The following SFMBT2 variants were observed in gnomAD, a reference collection of about 807,000 sequenced individuals.
The protein encoded by SFMBT2 is Scm like with four mbt domains 2, also known as scm-like with four MBT domains protein 2.
In SFMBT2, 38 loss-of-function variants were observed where a neutral mutation model predicts 110.1. The observed-to-expected ratio is 0.35, with a 90% confidence interval of 0.27 to 0.45. SFMBT2 has a LOEUF of 0.45. Among genes scored for constraint, SFMBT2 ranks in the 20% least tolerant of loss-of-function variants. The pLI is 1.00. For synonymous variants in SFMBT2, 425 were observed against 425.4 expected (o/e 1.00, Z 0.01); for missense variants, 1,011 against 1,094.9 (o/e 0.92, Z 1.08).
At chr10:7,205,354 G>T in intron 12 of SFMBT2, 1 of 965,906 alleles carries the variant, frequency 1.0e-6, no homozygotes, top group Non-Finnish European at 1.2e-6. Flanking sequence ...GCCTCCCAAA[G>T]TACTGAGATT....
intron 11 of SFMBT2, among the ~76,000 whole-genome samples, chr10:7,211,966 G>A (rs984646238): frequency 2.0e-5 from 3 of 152,124 alleles, no homozygotes; most frequent in Non-Finnish European, 4.4e-5. Flanking sequence ...GGGCTCAGAC[G>A]GGTTTCTCTG....
chr10:7,180,598 C>T (rs1204669768), intron 16 of SFMBT2, among the ~76,000 whole-genome samples: 2 of 152,172 alleles, frequency 1.3e-5, no homozygotes, highest in African/African-American at 2.4e-5. Context: ...CCTGCCTGGC[C>T]TCACTGTGGG....
At chr10:7,338,621 G>A (rs1843792318) in intron 4 of SFMBT2, among the ~76,000 whole-genome samples, 1 of 152,138 alleles carries the variant, frequency 6.6e-6, no homozygotes, top group Non-Finnish European at 1.5e-5. Context: ...GGAGGAGTAG[G>A]AAGCGGAGTT....
chr10:7,214,917 G>A (rs759598739), intron 11 of SFMBT2, among the ~76,000 whole-genome samples: 1 of 152,216 alleles, frequency 6.6e-6, no homozygotes, highest in Non-Finnish European at 1.5e-5. Context: ...AACAATTTCT[G>A]CAGTGGTAAC....
intron 16 of SFMBT2, among the ~76,000 whole-genome samples, chr10:7,181,956 T>C (rs1224442536): frequency 1.3e-5 from 2 of 152,214 alleles, no homozygotes; most frequent in African/African-American, 4.8e-5. Context: ...GATCACTTGA[T>C]CCTTACATGA....
chr10:7,225,888 T>C (rs532129001), intron 10 of SFMBT2, among the ~76,000 whole-genome samples: 1 of 151,888 alleles, frequency 6.6e-6, no homozygotes, highest in Non-Finnish European at 1.5e-5. Context: ...TCCACGGCCC[T>C]CAATGAAAGC....
At chr10:7,391,750 T>C (rs1845771744) in intron 1 of SFMBT2, among the ~76,000 whole-genome samples, 1 of 152,254 alleles carries the variant, frequency 6.6e-6, no homozygotes, top group African/African-American at 2.4e-5. Context: ...TTTATGTTTC[T>C]ATAGTATCTC....
At chr10:7,338,760 C>T (rs1314772880) in intron 4 of SFMBT2, among the ~76,000 whole-genome samples, 1 of 152,174 alleles carries the variant, frequency 6.6e-6, no homozygotes, top group Non-Finnish European at 1.5e-5. Flanking sequence ...AAGATGCTCA[C>T]ATCTTCTTCT....
chr10:7,245,972 T>C (rs761188756), intron 8 of SFMBT2, among the ~76,000 whole-genome samples: 15 of 152,240 alleles, frequency 9.9e-5, no homozygotes, highest in Non-Finnish European at 2.1e-4. Flanking sequence ...ACTTTCCTCA[T>C]ATTTAAAGAA....
chr10:7,236,859 G>A (rs751461684), intron 9 of SFMBT2, among the ~76,000 whole-genome samples: 2 of 152,152 alleles, frequency 1.3e-5, no homozygotes, highest in Non-Finnish European at 2.9e-5. Flanking sequence ...TATCATATGT[G>A]TGAAGCACAT....
intron 4 of SFMBT2, among the ~76,000 whole-genome samples, chr10:7,364,307 T>C (rs1844821940): frequency 6.6e-6 from 1 of 152,248 alleles, no homozygotes; most frequent in Non-Finnish European, 1.5e-5. Context: ...ACTTTAAGTA[T>C]TTCCATCACA....
intron 4 of SFMBT2, among the ~76,000 whole-genome samples, chr10:7,289,516 A>G (rs544635119): frequency 5.1e-4 from 78 of 152,316 alleles, no homozygotes; most frequent in African/African-American, 1.7e-3. Flanking sequence ...GCTTTCCTTT[A>G]TATGTGTCTG....
intron 7 of SFMBT2, chr10:7,264,088 C>G (rs75549499): frequency 8.2e-6 from 2 of 244,232 alleles, no homozygotes; most frequent in East Asian, 3.5e-4. Context: ...GGTGTCCATG[C>G]AGGGAAGGTC....
chr10:7,342,396 C>CTTTTTTTTTTTTTT lies in SFMBT2; in HGVS notation c.436+25239_436+25252dup, dbSNP rs71382101. Among the ~76,000 whole-genome samples the CTTTTTTTTTTTTTT allele has an allele frequency of 1.7e-4, 12 of 69,662 alleles. 2 individuals carry two copies. The highest frequency in any genetic ancestry group is 2.5e-4 in the Non-Finnish European group (9 of 36,202). The allele number at this position is 69,662 out of a possible 152,430, so 45.7% of individuals were successfully genotyped here. The stretch of plus-strand genomic sequence containing the variant: ...ATTTAGGAATTGCACTGGAGTGAGT[C>CTTTTTTTTTTTTTT]TTTTTTTTTTTTTTTTTTTTTTTTT... On this transcript the variant is annotated intron_variant, in intron 4 of 20. Transcript: ENST00000397167.
rs904743611 is a variant in SFMBT2, at chr10:7,202,902, C to G, written c.1445-380G>C. On this transcript the variant is annotated intron_variant, in intron 12 of 20. Coordinates refer to ENST00000397167, the MANE Select transcript of SFMBT2 (RefSeq NM_001387889.1). ...CAATAAAAATTGTGATGAAGCAAAT[C>G]ATGTTACTATCACAGCACACTCCCA... 3 of 985,274 alleles carry G rather than the reference C, an allele frequency of 3.0e-6. No homozygotes were observed. In the African/African-American group the frequency reaches 5.2e-5, roughly 17 times the overall value. 61.0% of individuals were successfully genotyped at this position (985,274 alleles called of 1,614,324 possible). A position where few individuals can be genotyped will look rare whatever the true frequency, so the allele number is the denominator to read the frequency against.
chr10:7,387,463 C>A (rs1845640780), intron 1 of SFMBT2, among the ~76,000 whole-genome samples: 1 of 152,130 alleles, frequency 6.6e-6, no homozygotes, highest in South Asian at 2.1e-4. Context: ...TCCAACCGCA[C>A]ACATAACCAC....
chr10:7,373,596 C>T (rs1035975062), intron 2 of SFMBT2, among the ~76,000 whole-genome samples: 6 of 152,200 alleles, frequency 3.9e-5, no homozygotes, highest in African/African-American at 1.4e-4. Context: ...AGTACTTTCC[C>T]CCTCCTTCTC....
At chr10:7,183,956 C>T (rs552956537) in intron 16 of SFMBT2, among the ~76,000 whole-genome samples, 38 of 152,324 alleles carry the variant, frequency 2.5e-4, no homozygotes, top group Non-Finnish European at 4.9e-4. Context: ...TTTCTTCTCT[C>T]ACTCACCTGT....
At chr10:7,246,798 T>C (rs1022198731) in intron 8 of SFMBT2, among the ~76,000 whole-genome samples, 1 of 149,718 alleles carries the variant, frequency 6.7e-6, no homozygotes, top group African/African-American at 2.4e-5. Context: ...TTGAGTTTAA[T>C]TGATAAATAC....
Sources: gnomAD v4.1 joint callset for allele counts (sites outside exome capture counted in the v4.1 genomes callset) on GRCh38, gnomAD v4.1.1 for gene constraint, MANE v1.5 for transcripts, NCBI Gene and HGNC (gene_info 2026-07-23, HGNC 2026-07-21) for gene names.